SPAG16: variants seen among roughly 807,000 people sequenced by gnomAD.
The protein encoded by SPAG16 is sperm-associated antigen 16 protein.
Under a neutral mutation model 80.4 loss-of-function variants are expected in SPAG16, and 86 were observed. The ratio of observed to expected loss-of-function variants is 1.07; its 90% CI spans 0.90 to 1.28. The LOEUF (loss-of-function observed/expected upper bound fraction) is 1.28. Among genes scored for constraint, SPAG16 ranks in the 50% most tolerant of loss-of-function variants. The pLI is 0.00. For missense variants in SPAG16, 870 were observed against 765.3 expected, an observed-to-expected ratio of 1.14 and a Z score of -1.61; for synonymous variants, 294 against 265.9, an observed-to-expected ratio of 1.11 and a Z score of -1.03.
At chr2:214,300,923 C>G (rs1392944513) in intron 15 of SPAG16, among the ~76,000 whole-genome samples, 2 of 151,308 alleles carry the variant, frequency 1.3e-5, no homozygotes, top group Non-Finnish European at 2.9e-5. Context: ...AATTATTACT[C>G]TAGTACCAAA....
chr2:213,365,121 A>C (rs1443116176), intron 8 of SPAG16: 7 of 152,218 alleles, frequency 4.6e-5, no homozygotes, highest in Non-Finnish European at 1.0e-4. Context: ...TAGAACAAAA[A>C]ATGACATCCT....
intron 14 of SPAG16, among the ~76,000 whole-genome samples, chr2:214,144,334 G>GT (rs1304450692): frequency 6.6e-6 from 1 of 151,908 alleles, no homozygotes. Context: ...AATAAATGAC[G>GT]TAACTCCCCA....
chr2:214,365,774 G>T (rs530264614), intron 15 of SPAG16, among the ~76,000 whole-genome samples: 1 of 152,132 alleles, frequency 6.6e-6, no homozygotes, highest in South Asian at 2.1e-4. Context: ...TTAGTCTGTC[G>T]TATAAAACAA....
intron 15 of SPAG16, among the ~76,000 whole-genome samples, chr2:214,405,700 G>A (rs756536790): frequency 4.6e-5 from 7 of 152,268 alleles, no homozygotes; most frequent in Non-Finnish European, 1.0e-4. Context: ...CGGAGGCTGA[G>A]GCAGGAGAAT....
intron 10 of SPAG16, among the ~76,000 whole-genome samples, chr2:213,631,788 C>T (rs915771010): frequency 7.9e-5 from 12 of 152,116 alleles, no homozygotes; most frequent in Non-Finnish European, 1.5e-4. Context: ...AAATCGACTT[C>T]ACTATAGGTG....
At position 214,340,692 on chromosome 2, in the gene SPAG16, G is replaced by A. The variant is rs557671783; in HGVS notation, c.1721-69448G>A. 4.6e-5 allele frequency among the ~76,000 whole-genome samples: 7 copies of A among 152,256 alleles called. No individual in the cohort carries two copies. The South Asian group carries it at 1.2e-3, about 27-fold the overall frequency. ...ACTATCTTGGAGTTTCTGTTGGTCA[G>A]GAGTCCATTATGGCATATATGGATT... On this transcript the variant is annotated intron_variant, in intron 15 of 15. Coordinates refer to ENST00000331683, the MANE Select transcript of SPAG16 (RefSeq NM_024532.5).
At chr2:214,370,747 C>T (rs762331328) in intron 15 of SPAG16, among the ~76,000 whole-genome samples, 2 of 152,110 alleles carry the variant, frequency 1.3e-5, no homozygotes, top group South Asian at 2.1e-4. Flanking sequence ...AATGGAGAGA[C>T]GTTTGTCAAA....
intron 10 of SPAG16, among the ~76,000 whole-genome samples, chr2:213,509,532 A>C (rs2075132018): frequency 6.6e-6 from 1 of 152,202 alleles, no homozygotes; most frequent in South Asian, 2.1e-4. Flanking sequence ...TTACTCATCT[A>C]TTGATAGACT....
chr2:214,261,715 T>C (rs938442920), intron 15 of SPAG16, among the ~76,000 whole-genome samples: 4 of 152,230 alleles, frequency 2.6e-5, no homozygotes, highest in African/African-American at 4.8e-5. Flanking sequence ...TTCTTTTTTC[T>C]ATCATCTTGG....
intron 10 of SPAG16, among the ~76,000 whole-genome samples, chr2:213,833,737 C>G (rs537936450): frequency 1.4e-5 from 2 of 143,202 alleles, no homozygotes; most frequent in South Asian, 2.2e-4. Context: ...TCTTTTTTTT[C>G]CAACTTAAAT....
chr2:213,971,929 T>A (rs1034157184), intron 12 of SPAG16, among the ~76,000 whole-genome samples: 1 of 151,146 alleles, frequency 6.6e-6, no homozygotes, highest in African/African-American at 2.4e-5. Context: ...GATATCTAAT[T>A]GTGTGTGTGT....
intron 14 of SPAG16, among the ~76,000 whole-genome samples, chr2:214,140,538 G>A (rs1473052812): frequency 6.6e-6 from 1 of 151,792 alleles, no homozygotes; most frequent in Non-Finnish European, 1.5e-5. Flanking sequence ...TGATGGACTT[G>A]TATTACAATC....
intron 15 of SPAG16, among the ~76,000 whole-genome samples, chr2:214,193,465 G>C (rs994028295): frequency 6.6e-6 from 1 of 150,636 alleles, no homozygotes; most frequent in African/African-American, 2.4e-5. Context: ...GAGAGAGAAG[G>C]GGGTAGAGCT....
At chr2:213,938,489 G>C (rs971192919) in intron 12 of SPAG16, among the ~76,000 whole-genome samples, 1 of 151,908 alleles carries the variant, frequency 6.6e-6, no homozygotes, top group Non-Finnish European at 1.5e-5. Context: ...GGCAAAAACT[G>C]TAATTATTTG....
chr2:214,037,208 T>C (rs2048742982), intron 13 of SPAG16, among the ~76,000 whole-genome samples: 2 of 147,638 alleles, frequency 1.4e-5, no homozygotes, highest in South Asian at 4.2e-4. Context: ...ATAGATAGTA[T>C]GTATACTTTA....
chr2:213,714,875 G>T (rs2066161863), intron 10 of SPAG16, among the ~76,000 whole-genome samples: 1 of 152,162 alleles, frequency 6.6e-6, no homozygotes, highest in South Asian at 2.1e-4. Flanking sequence ...TTCATTAAGT[G>T]CCAGACATCG....
intron 15 of SPAG16, among the ~76,000 whole-genome samples, chr2:214,377,119 G>A (rs527851762): frequency 3.1e-4 from 47 of 152,260 alleles, no homozygotes; most frequent in African/African-American, 1.0e-3. Flanking sequence ...GAGCTCAAGT[G>A]TTGTGAGTTT....
At chr2:214,253,712 T>C (rs191407603) in intron 15 of SPAG16, among the ~76,000 whole-genome samples, 28 of 152,278 alleles carry the variant, frequency 1.8e-4, no homozygotes, top group African/African-American at 5.8e-4. Flanking sequence ...TGTACACTCA[T>C]AGTATAGTTT....
At chr2:213,515,212 C>G (rs1414719672) in intron 10 of SPAG16, among the ~76,000 whole-genome samples, 1 of 152,092 alleles carries the variant, frequency 6.6e-6, no homozygotes, top group Non-Finnish European at 1.5e-5. Context: ...TTAAAGGTTA[C>G]TTAAATTAGG....
Sources: allele counts gnomAD v4.1 joint callset (sites outside exome capture counted in the v4.1 genomes callset), GRCh38; gene constraint gnomAD v4.1.1; transcripts MANE v1.5; gene names NCBI Gene and HGNC (gene_info 2026-07-23, HGNC 2026-07-21).